Variants in GSG1L observed in about 807,000 individuals in gnomAD.
GSG1L encodes germ cell-specific gene 1-like protein.
A neutral mutation model predicts 42.1 loss-of-function variants in GSG1L; 24 were observed. The observed-to-expected ratio is 0.57, with a 90% CI of 0.41 to 0.80. GSG1L has a LOEUF of 0.80. Ranked by LOEUF, GSG1L falls within the 30% of genes least tolerant of loss-of-function variation. GSG1L has a pLI of 0.00. For synonymous variants in GSG1L, 215 were observed against 203.5 expected (o/e 1.06, Z -0.48); for missense variants, 445 against 472.2 (o/e 0.94, Z 0.53).
chr16:27,795,018 C>T (rs532031560), intron 6 of GSG1L, among the ~76,000 whole-genome samples: 11 of 152,176 alleles, frequency 7.2e-5, no homozygotes, highest in South Asian at 4.2e-4. Flanking sequence ...ACTCTCTCCC[C>T]GAACTCATCA....
chr16:28,014,202 C>A (rs205374), intron 1 of GSG1L, among the ~76,000 whole-genome samples: 1 of 152,128 alleles, frequency 6.6e-6, no homozygotes, highest in Admixed American at 6.5e-5. Flanking sequence ...GGAAGACTTC[C>A]TGGAGGAAGA....
At chr16:28,030,798 T>TGGGATGGGATGGGATGGGATGGGAC in intron 1 of GSG1L, among the ~76,000 whole-genome samples, 1 of 129,602 alleles carries the variant, frequency 7.7e-6, no homozygotes, top group Non-Finnish European at 1.6e-5. Flanking sequence ...TGGGATGGGA[T>TGGGATGGGATGGGATGGGATGGGAC]GAGATAAGTT....
chr16:27,815,606 C>A (rs1386931185), intron 5 of GSG1L, among the ~76,000 whole-genome samples: 2 of 152,168 alleles, frequency 1.3e-5, no homozygotes, highest in African/African-American at 4.8e-5. Flanking sequence ...TCAGGTGGAA[C>A]CGGGCACCCC....
At chr16:27,860,335 G>A (rs2083631930) in intron 3 of GSG1L, among the ~76,000 whole-genome samples, 1 of 152,212 alleles carries the variant, frequency 6.6e-6, no homozygotes, top group African/African-American at 2.4e-5. Flanking sequence ...AGAGGTGCAG[G>A]AGCCGCATAG....
intron 1 of GSG1L, among the ~76,000 whole-genome samples, chr16:28,048,221 C>T (rs1307570533): frequency 1.3e-5 from 2 of 151,980 alleles, no homozygotes; most frequent in Admixed American, 1.3e-4. Context: ...GAGCAAGACT[C>T]TGCCTCAAAA....
intron 2 of GSG1L, among the ~76,000 whole-genome samples, chr16:27,888,511 CTTTCTTTCTTTCTTTCTTTCTTTCTTT>C (rs2084076640): frequency 7.1e-5 from 1 of 14,128 alleles, no homozygotes. Flanking sequence ...TTCTTTCTTT[CTTTCTTTCTTTCTTTCTTTCTTTCTTT>C]CTTTCTTTCT....
At chr16:27,981,359 G>A (rs1294350102) in intron 1 of GSG1L, among the ~76,000 whole-genome samples, 1 of 152,188 alleles carries the variant, frequency 6.6e-6, no homozygotes, top group East Asian at 1.9e-4. Context: ...AATGGGGAAT[G>A]ATTTTAACTG....
chr16:27,961,080 C>T (rs551306266), intron 2 of GSG1L, among the ~76,000 whole-genome samples: 211 of 152,330 alleles, frequency 1.4e-3, no homozygotes, highest in Non-Finnish European at 2.7e-3. Context: ...CATGGGCACA[C>T]AACCCGTATG....
At chr16:27,984,260 G>T (rs2085356268) in intron 1 of GSG1L, among the ~76,000 whole-genome samples, 1 of 152,122 alleles carries the variant, frequency 6.6e-6, no homozygotes, top group Admixed American at 6.6e-5. Context: ...CTTGGAGGTG[G>T]GTTTGCATAG....
rs78778308 is a variant in GSG1L at position 27,945,111 on chromosome 16, C to T, written c.397+18045G>A. Reference sequence around the variant, plus strand: ...AAAAAAAAAAATAGATCAGTGTTTGCCTCCGTCTCTTGGAGGTGGGAGGAT... The same window carrying T: ...AAAAAAAAAAATAGATCAGTGTTTGTCTCCGTCTCTTGGAGGTGGGAGGAT... On this transcript the variant is annotated intron_variant, in intron 2 of 6. Coordinates refer to ENST00000447459, the MANE Select transcript of GSG1L (RefSeq NM_001109763.2). 1.3e-3 allele frequency among the ~76,000 whole-genome samples: 202 copies of T among 149,950 alleles called. 1 individual carries two copies. Among genetic ancestry groups the T allele is most frequent in the African/African-American group, 4.8e-3 (194 of 40,678 alleles).
chr16:27,842,235 A>G (rs2083393647), intron 4 of GSG1L, among the ~76,000 whole-genome samples: 1 of 152,182 alleles, frequency 6.6e-6, no homozygotes, highest in Admixed American at 6.5e-5. Flanking sequence ...TCATATCAGT[A>G]GCAACAATAT....
chr16:27,809,781 C>T (rs1216381186), intron 5 of GSG1L, among the ~76,000 whole-genome samples: 3 of 152,180 alleles, frequency 2.0e-5, no homozygotes, highest in Non-Finnish European at 4.4e-5. Context: ...GGCATGTCCC[C>T]TTTTCCCCAC....
rs143711508 is a variant in GSG1L at position 27,928,752 on chromosome 16, C to T, written c.397+34404G>A. On this transcript the variant is annotated intron_variant, in intron 2 of 6. Coordinates refer to ENST00000447459, the MANE Select transcript of GSG1L (RefSeq NM_001109763.2). Reference sequence around the variant, plus strand: ...TGTGGCTTTGATGCTGGTCAGAAGCCACACTCCCTTGAGAGCTGTCCTGAT... The same window carrying T: ...TGTGGCTTTGATGCTGGTCAGAAGCTACACTCCCTTGAGAGCTGTCCTGAT... Among the ~76,000 whole-genome samples, 575 of 152,280 alleles carry T rather than the reference C, an allele frequency of 3.8e-3. 5 individuals carry two copies. The highest frequency in any genetic ancestry group is 0.013 in the African/African-American group (545 of 41,554).
At chr16:28,034,999 A>T (rs1357655627) in intron 1 of GSG1L, among the ~76,000 whole-genome samples, 1 of 152,048 alleles carries the variant, frequency 6.6e-6, no homozygotes, top group Non-Finnish European at 1.5e-5. Flanking sequence ...TGTACTCACT[A>T]ATTGCAGCTG....
intron 4 of GSG1L, among the ~76,000 whole-genome samples, chr16:27,832,690 A>T (rs2083285556): frequency 6.6e-6 from 1 of 152,200 alleles, no homozygotes; most frequent in African/African-American, 2.4e-5. Flanking sequence ...TTGTGGCTTT[A>T]ATTTGCACTT....
intron 2 of GSG1L, among the ~76,000 whole-genome samples, chr16:27,913,278 G>A (rs187579916): frequency 3.3e-5 from 5 of 152,234 alleles, no homozygotes; most frequent in South Asian, 4.2e-4. Context: ...AACTTGTCGC[G>A]AAACTGAACA....
chr16:27,832,252 CA>C (rs1219227538), intron 4 of GSG1L, among the ~76,000 whole-genome samples: 2 of 152,106 alleles, frequency 1.3e-5, no homozygotes, highest in African/African-American at 4.8e-5. Context: ...CAGTTTCCCC[CA>C]ATGGTAAACT....
intron 3 of GSG1L, among the ~76,000 whole-genome samples, chr16:27,874,440 C>CATTTTTTTTTTT (rs1455451741): frequency 2.3e-5 from 1 of 42,936 alleles, no homozygotes; most frequent in Non-Finnish European, 5.3e-5. Flanking sequence ...CACAGGAGAG[C>CATTTTTTTTTTT]CTTTTTTTTT....
intron 2 of GSG1L, among the ~76,000 whole-genome samples, chr16:27,892,872 A>G (rs2141034390): frequency 6.6e-6 from 1 of 152,282 alleles, no homozygotes; most frequent in East Asian, 1.9e-4. Context: ...CATCAGGCAA[A>G]TAAAAGGTGG....
Sources: allele counts gnomAD v4.1 joint callset (sites outside exome capture counted in the v4.1 genomes callset), GRCh38; gene constraint gnomAD v4.1.1; transcripts MANE v1.5; gene names NCBI Gene and HGNC (gene_info 2026-07-23, HGNC 2026-07-21).